Variants in FGGY observed in about 807,000 individuals in gnomAD.
FGGY encodes the protein FGGY carbohydrate kinase domain containing.
Under a neutral mutation model 71.3 loss-of-function variants are expected in FGGY, and 72 were observed. The ratio of observed to expected loss-of-function variants is 1.01; its 90% CI spans 0.84 to 1.23. FGGY has a LOEUF of 1.23. FGGY is among the 50% of genes most tolerant of loss of function. The pLI, the probability that FGGY is intolerant of heterozygous loss-of-function variation, is 0.00. For synonymous variants in FGGY, 251 were observed against 250.3 expected (o/e 1.00, Z -0.02); for missense variants, 668 against 682.3 (o/e 0.98, Z 0.23).
chr1:59,543,125 A>T (rs562119215), intron 7 of FGGY, among the ~76,000 whole-genome samples: 4 of 152,344 alleles, frequency 2.6e-5, no homozygotes, highest in African/African-American at 9.6e-5. Context: ...CATCTTCTAC[A>T]CTATTTATCT....
intron 5 of FGGY, among the ~76,000 whole-genome samples, chr1:59,390,891 A>G (rs1181165302): frequency 6.6e-6 from 1 of 152,224 alleles, no homozygotes; most frequent in Non-Finnish European, 1.5e-5. Flanking sequence ...ATTCATTAAT[A>G]CATTCATTCA....
At chr1:59,609,819 C>G (rs2096657032) in intron 9 of FGGY, among the ~76,000 whole-genome samples, 1 of 152,208 alleles carries the variant, frequency 6.6e-6, no homozygotes, top group South Asian at 2.1e-4. Context: ...ATTCAAAGGG[C>G]ATGTTCTGTA....
intron 14 of FGGY, among the ~76,000 whole-genome samples, chr1:59,724,195 T>C (rs2097920440): frequency 6.7e-6 from 1 of 148,344 alleles, no homozygotes; most frequent in Non-Finnish European, 1.5e-5. Flanking sequence ...ATCCCCCGTG[T>C]TGGCCAGGCA....
chr1:59,300,661 G>A (rs944550093), intron 1 of FGGY, among the ~76,000 whole-genome samples: 1 of 151,098 alleles, frequency 6.6e-6, no homozygotes, highest in Admixed American at 6.6e-5. Flanking sequence ...GGTAATTTTT[G>A]TATAGGACAT....
At chr1:59,343,202 T>C (rs1015835944) in intron 3 of FGGY, among the ~76,000 whole-genome samples, 2 of 152,196 alleles carry the variant, frequency 1.3e-5, no homozygotes, top group African/African-American at 2.4e-5. Flanking sequence ...TGCAACACAT[T>C]CTGTGAACAT....
intron 6 of FGGY, among the ~76,000 whole-genome samples, chr1:59,505,637 A>T (rs2094358912): frequency 6.6e-6 from 1 of 152,104 alleles, no homozygotes; most frequent in Non-Finnish European, 1.5e-5. Context: ...ATCTCATTAT[A>T]TGTGGGAAGA....
chr1:59,655,017 C>T (rs2097205280), intron 11 of FGGY, among the ~76,000 whole-genome samples: 1 of 152,198 alleles, frequency 6.6e-6, no homozygotes, highest in South Asian at 2.1e-4. Context: ...CATACTCCTG[C>T]ATGCCTGTAC....
chr1:59,722,457 A>G (rs760083060), intron 14 of FGGY, among the ~76,000 whole-genome samples: 4 of 152,232 alleles, frequency 2.6e-5, no homozygotes, highest in Non-Finnish European at 5.9e-5. Context: ...TGGGAGGAAT[A>G]TCTACATAAA....
At chr1:59,469,933 C>CT (rs1310335267) in intron 6 of FGGY, among the ~76,000 whole-genome samples, 2 of 152,226 alleles carry the variant, frequency 1.3e-5, no homozygotes, top group Non-Finnish European at 2.9e-5. Context: ...TGATCTTGTT[C>CT]TTTTTTTATG....
At chr1:59,673,909 C>G in intron 13 of FGGY, 130 bp from the exon 14 acceptor site, 1 of 679,700 alleles carries the variant, frequency 1.5e-6, no homozygotes, top group Non-Finnish European at 2.6e-6. Context: ...GAAGGGAGGA[C>G]TGCAGGGAGT....
At chr1:59,603,480 C>T (rs914032590) in intron 8 of FGGY, among the ~76,000 whole-genome samples, 3 of 152,202 alleles carry the variant, frequency 2.0e-5, no homozygotes, top group Non-Finnish European at 2.9e-5. Context: ...GGAGAGCTAA[C>T]GTTTATTTGG....
At chr1:59,759,556 G>A (rs1338153887) in intron 15 of FGGY, among the ~76,000 whole-genome samples, 1 of 152,230 alleles carries the variant, frequency 6.6e-6, no homozygotes, top group African/African-American at 2.4e-5. Flanking sequence ...CACGTGTTCA[G>A]AGAGTCCTCC....
intron 14 of FGGY, among the ~76,000 whole-genome samples, chr1:59,747,348 G>C (rs74956309): frequency 0.016 from 2,456 of 152,288 alleles, 109 homozygotes; most frequent in East Asian, 0.13. Context: ...TATCACAACA[G>C]AGGTTGATGG....
intron 5 of FGGY, 98 bp downstream of exon 5, chr1:59,378,935 T>C: frequency 4.1e-6 from 4 of 972,052 alleles, no homozygotes; most frequent in East Asian, 2.5e-5. Context: ...GATATACTTT[T>C]GGTACATCTG....
intron 11 of FGGY, among the ~76,000 whole-genome samples, chr1:59,657,971 G>C (rs1159103192): frequency 6.6e-6 from 1 of 152,188 alleles, no homozygotes; most frequent in Non-Finnish European, 1.5e-5. Context: ...TGTACTTGTA[G>C]AATTTAACAA....
chr1:59,555,884 C>A (rs530913849), intron 8 of FGGY, among the ~76,000 whole-genome samples: 73 of 152,276 alleles, frequency 4.8e-4, no homozygotes, highest in African/African-American at 1.7e-3. Flanking sequence ...ACCTGTAATT[C>A]CAGCTGCTTG....
intron 15 of FGGY, among the ~76,000 whole-genome samples, chr1:59,759,715 T>C (rs959387798): frequency 4.6e-5 from 7 of 152,184 alleles, no homozygotes; most frequent in Non-Finnish European, 1.0e-4. Context: ...TCTCATTGCC[T>C]AATAGATCAC....
At chr1:59,318,107 G>C (rs1292763888) in intron 1 of FGGY, among the ~76,000 whole-genome samples, 2 of 152,184 alleles carry the variant, frequency 1.3e-5, no homozygotes, top group Non-Finnish European at 1.5e-5. Flanking sequence ...ATGGATTACT[G>C]TCAATTGTAT....
chr1:59,628,208 C>CAA (rs2096877181), intron 10 of FGGY, among the ~76,000 whole-genome samples: 1 of 152,114 alleles, frequency 6.6e-6, no homozygotes, highest in East Asian at 1.9e-4. Context: ...TGAAAGTAAA[C>CAA]AACACCAGCA....
Sources: gnomAD v4.1 joint callset for allele counts (sites outside exome capture counted in the v4.1 genomes callset) on GRCh38, gnomAD v4.1.1 for gene constraint, MANE v1.5 for transcripts, NCBI Gene and HGNC (gene_info 2026-07-23, HGNC 2026-07-21) for gene names.